The following ERAP2 variants were observed in gnomAD, a reference collection of about 807,000 sequenced individuals.
ERAP2 encodes the protein endoplasmic reticulum aminopeptidase 2.
In ERAP2, 118 loss-of-function variants were observed where a neutral mutation model predicts 111.1. That is an observed-to-expected ratio of 1.06 (90% CI 0.92 to 1.24). The LOEUF (loss-of-function observed/expected upper bound fraction) is 1.24. ERAP2 is among the 50% of genes most tolerant of loss of function. The probability of loss-of-function intolerance (pLI) is 0.00; values close to 1 mark genes in which losing one functional copy is unlikely to be tolerated. For synonymous variants in ERAP2, 410 were observed against 401.2 expected, an observed-to-expected ratio of 1.02 and a Z score of -0.26; for missense variants, 1,131 against 1,125.8, an observed-to-expected ratio of 1.00 and a Z score of -0.07.
intron 5 of ERAP2, chr5:96,889,619 G>T: frequency 1.5e-6 from 1 of 645,916 alleles, no homozygotes; most frequent in South Asian, 1.8e-5. Flanking sequence ...GAGGGTCCAG[G>T]AAAGAGATGG....
At chr5:96,881,328 G>A (rs1317316819) in intron 2 of ERAP2, 8 of 439,848 alleles carry the variant, frequency 1.8e-5, no homozygotes, top group African/African-American at 8.0e-5. Flanking sequence ...CAGTGCTTAT[G>A]GAGTGAAACA....
intron 2 of ERAP2, 76 bp from the exon 3 acceptor site, chr5:96,883,716 G>A: frequency 1.4e-6 from 2 of 1,461,842 alleles, no homozygotes; most frequent in Non-Finnish European, 1.8e-6. Context: ...TTGATAAGCT[G>A]TTTGCTGAAT....
rs1378405966 is a variant in ERAP2 at position 96,896,380 on chromosome 5, AT to A, written c.1253del (p.Leu418Ter). The part of the protein sequence containing the change: ...ATYPELQFDD[Y>X]FLNVCFEVIT... ...ATTTTTCTCCCTGTTTAGGATGACT[AT>A]TTTTTGAATGTGTGTTTTGAAGTAA... On this transcript the variant is annotated frameshift_variant, in exon 8 of 19. Coordinates refer to ENST00000437043, the MANE Select transcript of ERAP2 (RefSeq NM_022350.5). LOFTEE classifies it high-confidence loss of function. 2 of 1,609,580 alleles carry A rather than the reference AT, an allele frequency of 1.2e-6. No homozygotes were observed. Among genetic ancestry groups the A allele is most frequent in the Non-Finnish European group, 1.7e-6 (2 of 1,176,952 alleles).
chr5:96,877,454 C>T (rs1782658232), intron 1 of ERAP2, among the ~76,000 whole-genome samples: 1 of 152,168 alleles, frequency 6.6e-6, no homozygotes, highest in Non-Finnish European at 1.5e-5. Flanking sequence ...CCATTGAATG[C>T]AAGTTATAAC....
intron 16 of ERAP2, 107 bp downstream of exon 16, chr5:96,912,905 G>C (rs891798983): frequency 4.7e-6 from 4 of 846,290 alleles, no homozygotes; most frequent in Non-Finnish European, 7.2e-6. Flanking sequence ...AATTGAATCA[G>C]AATGTGTATG....
At position 96,903,475 on chromosome 5, in the gene ERAP2, C is replaced by T; in HGVS notation, c.1927C>T (p.Leu643Phe). 1.2e-6 allele frequency: 2 copies of T among 1,614,038 alleles called. No individual in the cohort carries two copies. Among genetic ancestry groups the T allele is most frequent in the Non-Finnish European group, 1.7e-6 (2 of 1,179,938 alleles). The change falls in exon 13 of 19, where the codon CTC (leucine) becomes TTC (phenylalanine). Residue 643 changes from leucine to phenylalanine, a missense_variant. Physicochemically the swap from Leu to Phe is conservative, Grantham distance 22 (BLOSUM62 0). Coordinates refer to ENST00000437043, the MANE Select transcript of ERAP2 (RefSeq NM_022350.5). ...VHYEGHGWDQ[L>F]ITQLNQNHTL... ...CTATGAGGGTCATGGATGGGACCAA[C>T]TCATTACACAGCTGAATCAGAACCA...
intron 13 of ERAP2, 78 bp from the exon 14 acceptor site, chr5:96,908,879 CTATT>C: frequency 1.5e-6 from 2 of 1,378,048 alleles, no homozygotes; most frequent in South Asian, 1.4e-5. Context: ...TTATTGTTCT[CTATT>C]TCATATTTGT....
At chr5:96,877,904 C>T (rs919333942) in intron 1 of ERAP2, among the ~76,000 whole-genome samples, 18 of 152,280 alleles carry the variant, frequency 1.2e-4, no homozygotes, top group Middle Eastern at 3.4e-3. Context: ...CTGTCACCTG[C>T]ATTAATATTG....
At chr5:96,891,751 A>C (rs1481812820) in intron 5 of ERAP2, among the ~76,000 whole-genome samples, 1 of 150,490 alleles carries the variant, frequency 6.6e-6, no homozygotes, top group East Asian at 1.9e-4. Flanking sequence ...CTGCTGTCTT[A>C]GAAGAACATG....
intron 5 of ERAP2, among the ~76,000 whole-genome samples, chr5:96,890,628 T>C (rs1429075016): frequency 1.3e-5 from 2 of 152,230 alleles, no homozygotes; most frequent in Non-Finnish European, 2.9e-5. Context: ...TCTTATCCTG[T>C]CCTTTTTCGC....
chr5:96,917,750 C>A lies in ERAP2; in HGVS notation c.*145C>A, dbSNP rs1348952398. On this transcript the variant is annotated 3_prime_UTR_variant, in exon 19 of 19. Transcript: ENST00000437043. ...TGAGACCCCGTCTCCGCTAAAAATA[C>A]AAAAAATTAGCCGGGCATGGTGGCA... The A allele has an allele frequency of 5.3e-5, 27 of 505,850 alleles. No individual in the cohort carries two copies. The highest frequency in any genetic ancestry group is 8.0e-5 in the Admixed American group (2 of 24,872). The allele number at this position is 505,850 out of a possible 1,614,324, so 31.3% of individuals were successfully genotyped here. A position where few individuals can be genotyped will look rare whatever the true frequency, so the allele number is the denominator to read the frequency against.
intron 15 of ERAP2, 26 bp from the exon 16 acceptor site, chr5:96,912,610 TC>T (rs765446118): frequency 1.8e-5 from 29 of 1,568,160 alleles, no homozygotes; most frequent in Non-Finnish European, 2.5e-5. Flanking sequence ...TAAAACTTTT[TC>T]TTCATTTTTA....
At position 96,891,535 on chromosome 5, in the gene ERAP2, T is replaced by TAC. The variant is rs140359623; in HGVS notation, c.971-736_971-735dup. On this transcript the variant is annotated intron_variant, in intron 5 of 18. Coordinates refer to ENST00000437043, the MANE Select transcript of ERAP2 (RefSeq NM_022350.5). Reference sequence around the variant, plus strand: ...TATATATGCCCATATACGGTATATATACACACACACACACACACACACACA... The same window carrying TAC: ...TATATATGCCCATATACGGTATATATACACACACACACACACACACACACACA... Among the ~76,000 whole-genome samples, 794 of 138,978 alleles carry TAC rather than the reference T, an allele frequency of 5.7e-3. 7 individuals are homozygous for TAC. The highest frequency in any genetic ancestry group is 0.012 in the African/African-American group (452 of 36,684). The allele number at this position is 138,978 out of a possible 152,430, so 91.2% of individuals were successfully genotyped here.
chr5:96,893,805 G>T (rs1784610193), intron 6 of ERAP2, among the ~76,000 whole-genome samples: 1 of 152,054 alleles, frequency 6.6e-6, no homozygotes. Flanking sequence ...GGCATACAAG[G>T]TTCCCATGAC....
rs780640903 is a variant in ERAP2 at position 96,880,155 on chromosome 5, C to T, written c.470C>T (p.Thr157Met). Residue 157 changes from threonine (T) to methionine (M), a missense_variant, in exon 2 of 19, where the codon ACG (threonine) becomes ATG (methionine). Thr to Met is a moderately conservative substitution (Grantham distance 81). Transcript: ENST00000437043. ...QIALLVPEKL[T>M]PHLKYYVAMD... ...GCACTGCTGGTTCCAGAGAAACTTA[C>T]GCCTCACCTGAAATACTATGTGGCT... 37 of 1,613,916 alleles carry T rather than the reference C, an allele frequency of 2.3e-5. No homozygotes were observed. The highest frequency in any genetic ancestry group is 6.7e-5 in the East Asian group (3 of 44,880).
At chr5:96,894,971 C>G (rs1344674719) in intron 6 of ERAP2, among the ~76,000 whole-genome samples, 2 of 151,614 alleles carry the variant, frequency 1.3e-5, no homozygotes, top group African/African-American at 4.8e-5. Context: ...AATCTAATAA[C>G]TAGGAAATGT....
intron 12 of ERAP2, 47 bp from the exon 13 acceptor site, chr5:96,903,330 A>G (rs1785686091): frequency 1.4e-6 from 2 of 1,442,970 alleles, no homozygotes; most frequent in African/African-American, 1.4e-5. Flanking sequence ...GATGTTCTGA[A>G]TAAGTTTGTT....
rs1267298322 is a variant in ERAP2, at chr5:96,917,799, G to A, written c.*194G>A. ...CAGGTGCCTGTAGTCCCAGCTACTC[G>A]GCAGGCTGCAGCAGGAAAATGGCAT... On this transcript the variant is annotated 3_prime_UTR_variant, in exon 19 of 19. Transcript: ENST00000437043. The A allele has an allele frequency of 1.3e-5, 4 of 316,318 alleles. No homozygotes were observed. The highest frequency in any genetic ancestry group is 8.3e-5 in the South Asian group (2 of 24,044). The allele number at this position is 316,318 out of a possible 1,614,324, so 19.6% of individuals were successfully genotyped here.
chr5:96,880,017 A>T lies in ERAP2; in HGVS notation c.332A>T (p.His111Leu). Residue 111 changes from histidine to leucine, a missense_variant, in exon 2 of 19, where the codon CAC (histidine) becomes CTC (leucine). Transcript: ENST00000437043. ...VSNATQFIILHSKDLEITNAT... is the reference protein window; with the variant it reads ...VSNATQFIILLSKDLEITNAT... ...AATGCTACCCAGTTTATCATCTTGC[A>T]CAGCAAAGATCTTGAAATCACGAAT... 7 of 1,614,188 alleles carry T rather than the reference A, an allele frequency of 4.3e-6. No homozygotes were observed. The South Asian group carries it at 6.6e-5, about 15-fold the overall frequency.
Sources: gnomAD v4.1 joint callset for allele counts (sites outside exome capture counted in the v4.1 genomes callset) on GRCh38, gnomAD v4.1.1 for gene constraint, MANE v1.5 for transcripts, NCBI Gene and HGNC (gene_info 2026-07-23, HGNC 2026-07-21) for gene names.